LRRCC1: variants seen among roughly 807,000 people sequenced by gnomAD.
LRRCC1 encodes the protein leucine rich repeat and coiled-coil centrosomal protein 1, also known as leucine-rich repeat and coiled-coil domain-containing protein 1.
LRRCC1 carries 115 observed loss-of-function variants against 126.0 expected under a neutral mutation model. The ratio of observed to expected loss-of-function variants is 0.91; its 90% CI spans 0.78 to 1.07. LRRCC1 has a LOEUF of 1.07. LRRCC1 is among the 50% of genes least tolerant of loss of function. The pLI is 0.00. For missense variants in LRRCC1, 1,172 were observed against 1,175.7 expected, an observed-to-expected ratio of 1.00 and a Z score of 0.05; for synonymous variants, 400 against 393.4, an observed-to-expected ratio of 1.02 and a Z score of -0.20.
intron 18 of LRRCC1, among the ~76,000 whole-genome samples, chr8:85,143,291 A>T (rs1040880277): frequency 1.2e-4 from 19 of 152,048 alleles, no homozygotes; most frequent in African/African-American, 4.6e-4. Flanking sequence ...ATTGCACTCC[A>T]GCCTGGGCAA....
At chr8:85,115,608 A>G (rs1376251582) in intron 6 of LRRCC1, 24 bp downstream of exon 6, 2 of 1,453,550 alleles carry the variant, frequency 1.4e-6, no homozygotes, top group African/African-American at 2.8e-5. Context: ...CTACTTCTCT[A>G]TAGACATGTT....
intron 14 of LRRCC1, 151 bp from the exon 15 acceptor site, chr8:85,137,313 C>T: frequency 2.4e-6 from 1 of 412,066 alleles, no homozygotes. Flanking sequence ...TTTTTGTTTG[C>T]TTCCCCTTTC....
At chr8:85,112,023 C>A (rs1020156989) in intron 3 of LRRCC1, among the ~76,000 whole-genome samples, 1 of 151,694 alleles carries the variant, frequency 6.6e-6, no homozygotes, top group South Asian at 2.1e-4. Context: ...ACCATGCCCA[C>A]CTAATTTTTT....
rs777054829 is a variant in LRRCC1 at position 85,123,419 on chromosome 8, A to C, written c.937A>C (p.Asn313His). The change falls in exon 7 of 19, where the codon AAT becomes CAT. Residue 313 changes from asparagine to histidine, a missense_variant. Transcript: ENST00000360375. ...TTGGCTTTTTAAATTTTAGACTTCT[A>C]ATTCAATAGATAACGTTCTTGAGAA... ...QILQLLNETSNSIDNVLEKDP... is the reference protein window; with the variant it reads ...QILQLLNETSHSIDNVLEKDP... 1 of 1,583,080 alleles carries C rather than the reference A, an allele frequency of 6.3e-7. No homozygotes were observed. Among genetic ancestry groups the C allele is most frequent in the South Asian group, 1.2e-5 (1 of 84,292 alleles).
intron 7 of LRRCC1, 110 bp from the exon 8 acceptor site, chr8:85,124,682 A>T: frequency 1.7e-6 from 1 of 589,006 alleles, no homozygotes; most frequent in Non-Finnish European, 2.8e-6. Context: ...TAATTTTATT[A>T]ATATTCTTTT....
intron 9 of LRRCC1, 104 bp from the exon 10 acceptor site, chr8:85,129,071 T>G (rs1810236805): frequency 2.4e-6 from 2 of 824,320 alleles, no homozygotes; most frequent in African/African-American, 1.7e-5. Flanking sequence ...GTTGAGAGCA[T>G]GAACAAAGGA....
chr8:85,130,859 A>T (rs1044793696), intron 11 of LRRCC1, among the ~76,000 whole-genome samples: 1 of 152,194 alleles, frequency 6.6e-6, no homozygotes, highest in Non-Finnish European at 1.5e-5. Flanking sequence ...TACATAAATG[A>T]ACGGCATGGC....
chr8:85,129,826 A>G, intron 10 of LRRCC1, 93 bp from the exon 11 acceptor site: 1 of 948,240 alleles, frequency 1.1e-6, no homozygotes, highest in South Asian at 2.3e-5. Flanking sequence ...TAGTCACCGG[A>G]CACTGTCATT....
intron 14 of LRRCC1, among the ~76,000 whole-genome samples, chr8:85,136,601 A>C (rs951857395): frequency 6.6e-6 from 1 of 152,106 alleles, no homozygotes; most frequent in Non-Finnish European, 1.5e-5. Flanking sequence ...CAGTGATTTT[A>C]AGTTATTTGT....
chr8:85,117,951 T>G (rs561858160), intron 6 of LRRCC1, among the ~76,000 whole-genome samples: 4 of 152,162 alleles, frequency 2.6e-5, no homozygotes, highest in Non-Finnish European at 5.9e-5. Context: ...ATTTCCTGAA[T>G]TGAGAATACA....
At chr8:85,110,080 T>C (rs755488351) in intron 2 of LRRCC1, 35 bp from the exon 3 acceptor site, 1 of 902,100 alleles carries the variant, frequency 1.1e-6, no homozygotes, top group Non-Finnish European at 1.7e-6. Flanking sequence ...TTAAATTTTA[T>C]AAAGGCTTTA....
At chr8:85,129,103 T>C in intron 9 of LRRCC1, 72 bp from the exon 10 acceptor site, 1 of 1,076,778 alleles carries the variant, frequency 9.3e-7, no homozygotes, top group East Asian at 2.4e-5. Flanking sequence ...GAGAGTACTC[T>C]CATTGAAGTC....
rs1345027215 is a variant in LRRCC1, at chr8:85,131,881, G to A, written c.1888G>A (p.Asp630Asn). 2 of 1,613,832 alleles carry A rather than the reference G, an allele frequency of 1.2e-6. No individual in the cohort carries two copies. The highest frequency in any genetic ancestry group is 2.2e-5 in the East Asian group (1 of 44,800). The change falls in exon 12 of 19, where the codon GAC becomes AAC. Residue 630 changes from aspartate (D) to asparagine (N), a missense_variant. Transcript: ENST00000360375. ...QMIKEYQEKIDVLSQQYMDLE... is the reference protein window; with the variant it reads ...QMIKEYQEKINVLSQQYMDLE... ...GATAAAAGAATACCAAGAGAAAATT[G>A]ACGTGTTAAGCCAGCAGTATATGGA... is the stretch of plus-strand genomic sequence containing the variant.
At chr8:85,117,410 A>C (rs979357395) in intron 6 of LRRCC1, among the ~76,000 whole-genome samples, 1 of 152,188 alleles carries the variant, frequency 6.6e-6, no homozygotes, top group Non-Finnish European at 1.5e-5. Flanking sequence ...ATGTTTAAGA[A>C]AATGACTTCT....
intron 8 of LRRCC1, 125 bp downstream of exon 8, chr8:85,125,064 AT>A (rs1182431530): frequency 1.7e-6 from 1 of 592,444 alleles, no homozygotes; most frequent in Admixed American, 3.9e-5. Flanking sequence ...AAAATGGGTT[AT>A]TTTTTCCTTC....
intron 6 of LRRCC1, among the ~76,000 whole-genome samples, chr8:85,122,066 A>G (rs1809604482): frequency 6.6e-6 from 1 of 151,372 alleles, no homozygotes. Flanking sequence ...TCAATTGACA[A>G]TTTTTTTTTC....
rs761379021 is a variant in LRRCC1, at chr8:85,131,779, G to A, written c.1786G>A (p.Glu596Lys). The A allele has an allele frequency of 3.7e-6, 6 of 1,612,528 alleles. No individual in the cohort carries two copies. The highest frequency in any genetic ancestry group is 5.1e-6 in the Non-Finnish European group (6 of 1,179,544). The change falls in exon 12 of 19, where the codon GAG (glutamate) becomes AAG (lysine). Residue 596 changes from glutamate (E) to lysine (K), a missense_variant. Physicochemically the swap from Glu to Lys is moderately conservative, Grantham distance 56. Coordinates refer to ENST00000360375, the MANE Select transcript of LRRCC1 (RefSeq NM_033402.5). ...CTCCAGGAAGGAACTTGAAACAAGG[G>A]AGTTTTTTACTGATGCTGACTTCCA... ...QEHRKELETR[E>K]FFTDADFQDA... is the part of the protein sequence containing the mutation.
At chr8:85,132,375 C>CTTTTTTTTTT (rs551423793) in intron 12 of LRRCC1, among the ~76,000 whole-genome samples, 19 of 109,928 alleles carry the variant, frequency 1.7e-4, no homozygotes, top group East Asian at 2.8e-4. Flanking sequence ...TGAGTACTTT[C>CTTTTTTTTTT]TTTTTTTTTT....
intron 9 of LRRCC1, among the ~76,000 whole-genome samples, chr8:85,128,432 C>G (rs1455432923): frequency 1.5e-5 from 2 of 135,512 alleles, no homozygotes; most frequent in Non-Finnish European, 3.2e-5. Flanking sequence ...CCCCCACCCC[C>G]CCCACCACCA....
Sources: allele counts gnomAD v4.1 joint callset (sites outside exome capture counted in the v4.1 genomes callset), GRCh38; gene constraint gnomAD v4.1.1; transcripts MANE v1.5; gene names NCBI Gene and HGNC (gene_info 2026-07-23, HGNC 2026-07-21).